Variants in STOX2 observed in about 807,000 individuals in gnomAD.
STOX2 encodes the protein storkhead box 2.
A neutral mutation model predicts 60.9 loss-of-function variants in STOX2; 28 were observed. The observed-to-expected ratio is 0.46, with a 90% CI of 0.34 to 0.63. The LOEUF is 0.63. STOX2 is among the 30% of genes least tolerant of loss of function. The probability of loss-of-function intolerance (pLI) is 0.01; values close to 1 mark genes in which losing one functional copy is unlikely to be tolerated. For synonymous variants in STOX2, 472 were observed against 463.9 expected, an observed-to-expected ratio of 1.02 and a Z score of -0.22; for missense variants, 1,024 against 1,187.7, an observed-to-expected ratio of 0.86 and a Z score of 2.03.
chr4:183,910,524 G>A (rs1381379977), intron 1 of STOX2, among the ~76,000 whole-genome samples: 1 of 152,136 alleles, frequency 6.6e-6, no homozygotes, highest in Non-Finnish European at 1.5e-5. Context: ...CAGCCCTGGG[G>A]ATGGGCGCCT....
chr4:183,800,181 G>T (rs1738727639), intron 1 of STOX2, among the ~76,000 whole-genome samples: 1 of 57,854 alleles, frequency 1.7e-5, no homozygotes, highest in Non-Finnish European at 3.5e-5. Context: ...AATATCTGCT[G>T]CAGGCTTCCT....
At chr4:183,811,468 C>G (rs1319505837) in intron 1 of STOX2, among the ~76,000 whole-genome samples, 2 of 152,204 alleles carry the variant, frequency 1.3e-5, no homozygotes, top group Non-Finnish European at 2.9e-5. Context: ...CATGCTGTTC[C>G]TTTGGGTGAC....
At chr4:183,915,358 A>T (rs1201710335) in intron 1 of STOX2, among the ~76,000 whole-genome samples, 2 of 151,932 alleles carry the variant, frequency 1.3e-5, no homozygotes, top group African/African-American at 4.8e-5. Context: ...TTTGCTTTGA[A>T]ATTGTCTCGT....
intron 1 of STOX2, among the ~76,000 whole-genome samples, chr4:183,989,240 T>A (rs937761703): frequency 6.8e-6 from 1 of 147,808 alleles, no homozygotes; most frequent in Non-Finnish European, 1.5e-5. Context: ...TTTGCTCTTG[T>A]TGCCCAGGCT....
chr4:184,006,862 A>G (rs1166614669), intron 2 of STOX2, among the ~76,000 whole-genome samples: 5 of 150,856 alleles, frequency 3.3e-5, no homozygotes, highest in African/African-American at 1.2e-4. Context: ...TAAAAATACA[A>G]AAAATTAGCT....
intron 2 of STOX2, among the ~76,000 whole-genome samples, chr4:184,008,815 T>C (rs1308008988): frequency 1.3e-5 from 2 of 152,220 alleles, no homozygotes; most frequent in Non-Finnish European, 2.9e-5. Flanking sequence ...TATCATATCA[T>C]GGGAAACATT....
At chr4:183,924,740 C>T (rs534624721) in intron 1 of STOX2, among the ~76,000 whole-genome samples, 12 of 152,050 alleles carry the variant, frequency 7.9e-5, no homozygotes, top group African/African-American at 1.2e-4. Context: ...GAGATAGGCT[C>T]GCAAGGGTGA....
At chr4:183,997,135 G>T (rs985319665) in intron 1 of STOX2, among the ~76,000 whole-genome samples, 53 of 152,218 alleles carry the variant, frequency 3.5e-4, no homozygotes, top group Admixed American at 6.5e-5. Flanking sequence ...ATGCACACAT[G>T]CAGGGAGAGA....
intron 1 of STOX2, among the ~76,000 whole-genome samples, chr4:183,815,675 T>C (rs1428430410): frequency 6.6e-6 from 1 of 152,186 alleles, no homozygotes; most frequent in African/African-American, 2.4e-5. Context: ...TGAAGTGAGA[T>C]ATTAATTACA....
intron 1 of STOX2, among the ~76,000 whole-genome samples, chr4:183,842,873 G>A (rs377555648): frequency 6.6e-6 from 1 of 151,932 alleles, no homozygotes; most frequent in Non-Finnish European, 1.5e-5. Flanking sequence ...ATTCAGGCCG[G>A]GTGTGGTGGC....
rs981569860 is a variant in STOX2 at position 183,883,071 on chromosome 4, C to T, written c.364+85016C>T. Reference sequence around the variant, plus strand: ...CACAAAAGTAGAGAGAATAGAAAAACAAACCCAATATCCGGCTTCAGCAAT... The same window carrying T: ...CACAAAAGTAGAGAGAATAGAAAAATAAACCCAATATCCGGCTTCAGCAAT... On this transcript the variant is annotated intron_variant, in intron 1 of 2. Transcript: ENST00000513034. Among the ~76,000 whole-genome samples, 12 of 151,634 alleles carry T rather than the reference C, an allele frequency of 7.9e-5. No homozygotes were observed. In the East Asian group the frequency reaches 1.4e-3, roughly 17 times the overall value.
chr4:183,889,340 G>A (rs1741155341), intron 1 of STOX2, among the ~76,000 whole-genome samples: 1 of 152,126 alleles, frequency 6.6e-6, no homozygotes. Context: ...GGACGGTAAT[G>A]CAGGAACCAA....
At chr4:183,946,673 T>C (rs988775329) in intron 1 of STOX2, among the ~76,000 whole-genome samples, 2 of 147,670 alleles carry the variant, frequency 1.4e-5, no homozygotes, top group Non-Finnish European at 3.0e-5. Flanking sequence ...TCGCACAGGC[T>C]AGACTGCAGT....
intron 1 of STOX2, among the ~76,000 whole-genome samples, chr4:183,967,835 T>C (rs77929664): frequency 0.034 from 5,224 of 152,288 alleles, 285 homozygotes; most frequent in African/African-American, 0.12. Flanking sequence ...TAACAGTTTA[T>C]GAATGCAAAG....
chr4:183,900,672 T>G (rs183060244), upstream of STOX2, among the ~76,000 whole-genome samples: 155 of 152,346 alleles, frequency 1.0e-3, no homozygotes, highest in Non-Finnish European at 2.1e-4. Flanking sequence ...TTATTCTATT[T>G]GTAAATTTTG....
intron 1 of STOX2, among the ~76,000 whole-genome samples, chr4:183,809,533 G>C (rs1738989309): frequency 6.6e-6 from 1 of 152,144 alleles, no homozygotes; most frequent in Admixed American, 6.5e-5. Context: ...TGAGTAGCTG[G>C]GATTCCAGGC....
At chr4:183,992,988 C>A (rs1044068419) in intron 1 of STOX2, among the ~76,000 whole-genome samples, 8 of 152,240 alleles carry the variant, frequency 5.3e-5, no homozygotes, top group Non-Finnish European at 1.0e-4. Flanking sequence ...TTCCATCCTA[C>A]CTTTTCTGCT....
At chr4:183,904,575 A>G (rs1198637664), upstream of STOX2, among the ~76,000 whole-genome samples, 1 of 152,268 alleles carries the variant, frequency 6.6e-6, no homozygotes. Context: ...GAATTGGTTG[A>G]CAGTAATACA....
At chr4:183,919,267 A>G (rs1418513049) in intron 1 of STOX2, among the ~76,000 whole-genome samples, 2 of 152,210 alleles carry the variant, frequency 1.3e-5, no homozygotes, top group Non-Finnish European at 1.5e-5. Context: ...ATAGTAGTGT[A>G]CCATCCTGGC....
Sources: allele counts gnomAD v4.1 joint callset (sites outside exome capture counted in the v4.1 genomes callset), GRCh38; gene constraint gnomAD v4.1.1; transcripts MANE v1.5; gene names NCBI Gene and HGNC (gene_info 2026-07-23, HGNC 2026-07-21).